The following MSH3 variants were observed in gnomAD, a reference collection of about 807,000 sequenced individuals.
MSH3 encodes DNA mismatch repair protein Msh3.
A neutral mutation model predicts 123.3 loss-of-function variants in MSH3; 106 were observed. That is an observed-to-expected ratio of 0.86 (90% confidence interval 0.73 to 1.01). MSH3 has a LOEUF of 1.01. MSH3 is among the 50% of genes least tolerant of loss of function. MSH3 has a pLI of 0.00. For missense variants in MSH3, 1,459 were observed against 1,347.6 expected (o/e 1.08, Z -1.29); for synonymous variants, 515 against 481.4 (o/e 1.07, Z -0.91).
At chr5:80,678,872 C>G in intron 7 of MSH3, 55 bp from the exon 8 acceptor site, 1 of 1,584,398 alleles carries the variant, frequency 6.3e-7, no homozygotes, top group African/African-American at 1.3e-5. Flanking sequence ...TGTGTTATAG[C>G]CATAACTGGG....
chr5:80,846,172 C>G (rs1462301088), intron 20 of MSH3, among the ~76,000 whole-genome samples: 1 of 152,124 alleles, frequency 6.6e-6, no homozygotes, highest in Non-Finnish European at 1.5e-5. Context: ...AACTGCAGGT[C>G]TGTTGGGGTT....
At chr5:80,864,414 CATT>C (rs1561503371) in intron 21 of MSH3, among the ~76,000 whole-genome samples, 1 of 152,020 alleles carries the variant, frequency 6.6e-6, no homozygotes, top group African/African-American at 2.4e-5. Flanking sequence ...CAAAAAGAAA[CATT>C]GTTGGGAGAA....
intron 2 of MSH3, among the ~76,000 whole-genome samples, chr5:80,657,704 G>T: frequency 6.6e-6 from 1 of 152,062 alleles, no homozygotes; most frequent in Non-Finnish European, 1.5e-5. Context: ...GGAGATATAT[G>T]TAAAATATTA....
Position 80,654,917 on chromosome 5 carries a change from C to A in MSH3, c.190C>A (p.Pro64Thr), listed in dbSNP as rs2405877. The change falls in exon 1 of 24, where the codon CCA (proline) becomes ACA (threonine). Residue 64 changes from proline to threonine, a missense_variant. Transcript: ENST00000265081. Reference sequence around the variant, plus strand: ...AGCGGCCGCAGCGGCCGCAGCGCCCCCAGCGCCCCCAGCTCCCGCCTTCCC... The same window carrying A: ...AGCGGCCGCAGCGGCCGCAGCGCCCACAGCGCCCCCAGCTCCCGCCTTCCC... ...AAAAAAAAAP[P>T]APPAPAFPPQ... is the part of the protein sequence containing the mutation. The A allele has an allele frequency of 6.9e-7, 1 of 1,440,622 alleles. No individual in the cohort carries two copies. Among genetic ancestry groups the A allele is most frequent in the Admixed American group, 2.5e-5 (1 of 40,474 alleles). The allele number at this position is 1,440,622 out of a possible 1,614,324, so 89.2% of individuals were successfully genotyped here. A position where few individuals can be genotyped will look rare whatever the true frequency, so the allele number is the denominator to read the frequency against.
At chr5:80,673,118 C>T (rs149746423) in intron 6 of MSH3, among the ~76,000 whole-genome samples, 6 of 152,276 alleles carry the variant, frequency 3.9e-5, no homozygotes, top group African/African-American at 7.2e-5. Flanking sequence ...TAATAAAAGA[C>T]GATGTCAGGT....
chr5:80,792,297 A>G (rs143402723), intron 18 of MSH3, among the ~76,000 whole-genome samples: 134 of 152,176 alleles, frequency 8.8e-4, no homozygotes, highest in African/African-American at 2.9e-3. Flanking sequence ...CTCCTCAAGA[A>G]GCTGAGGCAA....
Position 80,813,588 on chromosome 5 carries a change from A to T in MSH3, c.2660A>T (p.Asp887Val), listed in dbSNP as rs1745046098. Residue 887 changes from aspartate (D) to valine (V), a missense_variant, in exon 20 of 24, where the codon GAC (aspartate) becomes GTC (valine). Coordinates refer to ENST00000265081, the MANE Select transcript of MSH3 (RefSeq NM_002439.5). ...AAATTCCTTTCTAATTTTCAGGAGGACTCAGAGAGAGTAATGATAATTACC... is the reference window on the plus strand; with the variant it reads ...AAATTCCTTTCTAATTTTCAGGAGGTCTCAGAGAGAGTAATGATAATTACC... Reference protein sequence around the residue: ...YVPNNTDLSEDSERVMIITGP... With the variant: ...YVPNNTDLSEVSERVMIITGP... 1 of 1,614,102 alleles carries T rather than the reference A, an allele frequency of 6.2e-7. No individual in the cohort carries two copies. Among genetic ancestry groups the T allele is most frequent in the Non-Finnish European group, 8.5e-7 (1 of 1,179,996 alleles).
intron 8 of MSH3, among the ~76,000 whole-genome samples, chr5:80,711,639 A>G (rs1456000167): frequency 6.6e-6 from 1 of 151,716 alleles, no homozygotes; most frequent in Non-Finnish European, 1.5e-5. Flanking sequence ...AAGACAGCAC[A>G]TTTTCTTTTT....
intron 13 of MSH3, among the ~76,000 whole-genome samples, chr5:80,762,790 TTTATG>T (rs747226793): frequency 0.014 from 1,893 of 132,816 alleles, 19 homozygotes; most frequent in Middle Eastern, 0.025. Flanking sequence ...TTTATTTTAT[TTTATG>T]TTATGTTATG....
chr5:80,667,543 C>T lies in MSH3; in HGVS notation c.579+2180C>T, dbSNP rs574222917. Among the ~76,000 whole-genome samples the T allele has an allele frequency of 2.6e-5, 4 of 152,298 alleles. No individual in the cohort carries two copies. In the South Asian group the frequency reaches 8.3e-4, roughly 32 times the overall value. On this transcript the variant is annotated intron_variant, in intron 3 of 23. Transcript: ENST00000265081. ...TGGCTTTTGCTTTTGGCCTGAATCT[C>T]GCAGCTGCCAAGGGTGAGCCAGGAG... is the stretch of plus-strand genomic sequence containing the variant.
intron 20 of MSH3, among the ~76,000 whole-genome samples, chr5:80,843,376 G>T (rs536971407): frequency 5.9e-5 from 9 of 152,044 alleles, no homozygotes; most frequent in Non-Finnish European, 1.3e-4. Flanking sequence ...TTTTTTTGTT[G>T]TGTCTCTGCC....
At chr5:80,725,362 C>A in intron 8 of MSH3, 91 bp from the exon 9 acceptor site, 2 of 741,674 alleles carry the variant, frequency 2.7e-6, no homozygotes, top group Non-Finnish European at 4.5e-6. Flanking sequence ...AAATCTTTAT[C>A]TTTTTTTTTT....
chr5:80,746,763 G>T, intron 12 of MSH3: 2 of 396,082 alleles, frequency 5.0e-6, no homozygotes, highest in Non-Finnish European at 5.1e-6. Context: ...AGATTGTTTG[G>T]CAATTTCCAC....
At chr5:80,760,685 T>G (rs1020198006) in intron 12 of MSH3, among the ~76,000 whole-genome samples, 1 of 152,232 alleles carries the variant, frequency 6.6e-6, no homozygotes, top group African/African-American at 2.4e-5. Flanking sequence ...AGAAGTTTAT[T>G]TCTTGCTAAT....
intron 8 of MSH3, among the ~76,000 whole-genome samples, chr5:80,721,662 C>T (rs1170896484): frequency 1.3e-5 from 2 of 152,154 alleles, no homozygotes; most frequent in Non-Finnish European, 2.9e-5. Flanking sequence ...TAGTGTAGTA[C>T]ATGTTATCTG....
Position 80,654,763 on chromosome 5 carries a change from T to A in MSH3, c.36T>A (p.Ala12=), listed in dbSNP as rs1749188879. Residue 12 remains alanine, a synonymous_variant, in exon 1 of 24, where the codon GCT becomes GCA. Transcript: ENST00000265081. ...SRRKPASGGL[A]ASSSAPARQA... The stretch of plus-strand genomic sequence containing the variant: ...GGAAGCCTGCGTCGGGCGGCCTCGC[T>A]GCCTCCAGCTCAGCCCCTGCGAGGC... 1 of 1,603,938 alleles carries A rather than the reference T, an allele frequency of 6.2e-7. No individual in the cohort carries two copies. Among genetic ancestry groups the A allele is most frequent in the Non-Finnish European group, 8.5e-7 (1 of 1,176,408 alleles).
intron 20 of MSH3, among the ~76,000 whole-genome samples, chr5:80,849,009 A>G (rs985712116): frequency 3.9e-5 from 6 of 152,186 alleles, no homozygotes; most frequent in East Asian, 3.8e-4. Flanking sequence ...CCTAAATACA[A>G]TGGGGGTACA....
chr5:80,698,094 G>A (rs774862153), intron 8 of MSH3, among the ~76,000 whole-genome samples: 2 of 151,798 alleles, frequency 1.3e-5, no homozygotes, highest in Non-Finnish European at 2.9e-5. Context: ...TAGAGATGAG[G>A]CCTCTCTATG....
At chr5:80,750,540 A>G (rs1042467397) in intron 12 of MSH3, among the ~76,000 whole-genome samples, 4 of 151,938 alleles carry the variant, frequency 2.6e-5, no homozygotes, top group African/African-American at 7.2e-5. Flanking sequence ...GGAATCGTCT[A>G]TTCAGACCTT....
Sources: allele counts gnomAD v4.1 joint callset (sites outside exome capture counted in the v4.1 genomes callset), GRCh38; gene constraint gnomAD v4.1.1; transcripts MANE v1.5; gene names NCBI Gene and HGNC (gene_info 2026-07-23, HGNC 2026-07-21).